Variants in ZPLD1 observed in about 807,000 individuals in gnomAD.
The protein encoded by ZPLD1 is zona pellucida-like domain-containing protein 1.
In ZPLD1, 34 loss-of-function variants were observed where a neutral mutation model predicts 47.2. The observed-to-expected ratio is 0.72, with a 90% CI of 0.55 to 0.96. ZPLD1 has a LOEUF of 0.96. Ranked by LOEUF, ZPLD1 falls within the 40% of genes least tolerant of loss-of-function variation. The pLI is 0.00. For synonymous variants in ZPLD1, 176 were observed against 186.2 expected, an observed-to-expected ratio of 0.95 and a Z score of 0.45; for missense variants, 512 against 505.8, an observed-to-expected ratio of 1.01 and a Z score of -0.12.
At position 102,400,577 on chromosome 3, in the gene ZPLD1, C is replaced by T. The variant is rs775701552; in HGVS notation, c.-157+8352C>T. On this transcript the variant is annotated intron_variant, in intron 7 of 17. Coordinates refer to the ZPLD1 transcript ENST00000491959. ...TGTCTCTTTCAGAAGTTTCCCCTGA[C>T]TATATCTCTCCCTTTTCTTTACTCT... Among the ~76,000 whole-genome samples the T allele has an allele frequency of 3.8e-4, 58 of 152,024 alleles. 1 individual carries two copies. Among genetic ancestry groups the T allele is most frequent in the Non-Finnish European group, 1.0e-4 (7 of 67,974 alleles).
upstream of ZPLD1, among the ~76,000 whole-genome samples, chr3:102,432,983 C>T (rs1707034420): frequency 6.6e-6 from 1 of 152,186 alleles, no homozygotes; most frequent in Non-Finnish European, 1.5e-5. Context: ...TTATTCATCT[C>T]CATAGCACTT....
chr3:102,459,089 C>CAAAAAAAAAA (rs767071660), intron 6 of ZPLD1, among the ~76,000 whole-genome samples: 5 of 25,852 alleles, frequency 1.9e-4, no homozygotes, highest in African/African-American at 4.5e-4. Flanking sequence ...GACTCCGTCT[C>CAAAAAAAAAA]AAAAAAAAAA....
upstream of ZPLD1, among the ~76,000 whole-genome samples, chr3:102,433,679 A>G: frequency 6.6e-6 from 1 of 152,222 alleles, no homozygotes; most frequent in Admixed American, 6.5e-5. Context: ...GGCACCCGCC[A>G]CCACGCCCGG....
intron 6 of ZPLD1, among the ~76,000 whole-genome samples, chr3:102,459,044 A>G (rs367567341): frequency 2.1e-5 from 3 of 140,292 alleles, no homozygotes; most frequent in Admixed American, 7.4e-5. Flanking sequence ...GAGCCGAGAT[A>G]GCACCACTGC....
rs1344954098 is a variant in ZPLD1 at position 102,477,695 on chromosome 3, A to T, written c.*77A>T. On this transcript the variant is annotated 3_prime_UTR_variant, in exon 12 of 12. Transcript: ENST00000466937. ...TGACTGCAGTCAGTGTTCCGTCTGA[A>T]TTTCATGTCAGTCCACATTCAATAT... 3 of 1,310,164 alleles carry T rather than the reference A, an allele frequency of 2.3e-6. No individual in the cohort carries two copies. The African/African-American group carries it at 4.5e-5, about 20-fold the overall frequency. The allele number at this position is 1,310,164 out of a possible 1,614,324, so 81.2% of individuals were successfully genotyped here. A position where few individuals can be genotyped will look rare whatever the true frequency, so the allele number is the denominator to read the frequency against.
In ZPLD1 at chr3:102,447,135, G is replaced by A. The variant is rs1227404415; in HGVS notation, c.107-5784G>A. Among the ~76,000 whole-genome samples the A allele has an allele frequency of 1.1e-4, 16 of 152,066 alleles. 1 individual carries two copies. The South Asian group carries it at 2.9e-3, about 28-fold the overall frequency. On this transcript the variant is annotated intron_variant, in intron 3 of 11. Transcript: ENST00000466937. ...GGCTGGAGTGCAGTGGCACACTCTC[G>A]GCTCACTGCAACCTCTGCCTCCTGG...
intron 1 of ZPLD1, among the ~76,000 whole-genome samples, chr3:102,436,288 A>AT (rs1231568342): frequency 2.6e-5 from 4 of 152,246 alleles, no homozygotes; most frequent in African/African-American, 9.6e-5. Flanking sequence ...GTCAATAATA[A>AT]TTTTTTTGCT....
chr3:102,398,923 T>A (rs1706588549), intron 7 of ZPLD1, among the ~76,000 whole-genome samples: 1 of 152,106 alleles, frequency 6.6e-6, no homozygotes, highest in Non-Finnish European at 1.5e-5. Context: ...CACACTTTTA[T>A]TTATAACTTT....
chr3:102,456,503 CAT>C, intron 5 of ZPLD1, 129 bp downstream of exon 5: 1 of 764,228 alleles, frequency 1.3e-6, no homozygotes, highest in Non-Finnish European at 2.2e-6. Context: ...TAATGGGAAA[CAT>C]ATTATGTCTA....
At chr3:102,463,708 G>A (rs1707544289) in intron 7 of ZPLD1, among the ~76,000 whole-genome samples, 1 of 151,990 alleles carries the variant, frequency 6.6e-6, no homozygotes, top group South Asian at 2.1e-4. Flanking sequence ...ATAAACTTCC[G>A]CAAATAACAA....
intron 6 of ZPLD1, among the ~76,000 whole-genome samples, chr3:102,387,444 C>T (rs1706435855): frequency 6.6e-6 from 1 of 152,086 alleles, no homozygotes; most frequent in African/African-American, 2.4e-5. Context: ...ATTCTGTCAT[C>T]ATTTAAAAAA....
At chr3:102,455,089 T>C (rs187406995) in intron 4 of ZPLD1, among the ~76,000 whole-genome samples, 6 of 152,368 alleles carry the variant, frequency 3.9e-5, no homozygotes, top group Non-Finnish European at 5.9e-5. Context: ...GATGTTTTCA[T>C]TCATAAAGAT....
At chr3:102,424,863 A>T (rs1706923012) in intron 8 of ZPLD1, among the ~76,000 whole-genome samples, 1 of 152,198 alleles carries the variant, frequency 6.6e-6, no homozygotes, top group African/African-American at 2.4e-5. Flanking sequence ...TGACTCATTA[A>T]CCAATATTCT....
At chr3:102,394,069 T>C (rs575030660) in intron 7 of ZPLD1, among the ~76,000 whole-genome samples, 1 of 152,268 alleles carries the variant, frequency 6.6e-6, no homozygotes, top group African/African-American at 2.4e-5. Context: ...TGAAAAACCT[T>C]TTAGAACCCC....
At chr3:102,444,552 T>G (rs1707228339) in intron 3 of ZPLD1, among the ~76,000 whole-genome samples, 1 of 152,238 alleles carries the variant, frequency 6.6e-6, no homozygotes, top group Non-Finnish European at 1.5e-5. Context: ...ATGTAGCATC[T>G]GTTCTCTAGG....
chr3:102,431,647 G>C (rs1203385696), upstream of ZPLD1, among the ~76,000 whole-genome samples: 1 of 152,192 alleles, frequency 6.6e-6, no homozygotes, highest in East Asian at 1.9e-4. Flanking sequence ...GATGGCTCAT[G>C]CCTGTAATCC....
intron 8 of ZPLD1, among the ~76,000 whole-genome samples, chr3:102,420,873 C>T (rs1706869220): frequency 6.6e-6 from 1 of 151,862 alleles, no homozygotes; most frequent in Non-Finnish European, 1.5e-5. Context: ...TTTAAAGTGG[C>T]TAAGCCACAA....
chr3:102,400,587 C>T (rs1158786209), intron 7 of ZPLD1, among the ~76,000 whole-genome samples: 1 of 152,032 alleles, frequency 6.6e-6, no homozygotes, highest in Non-Finnish European at 1.5e-5. Context: ...CTATATCTCT[C>T]CCTTTTCTTT....
chr3:102,416,452 A>G (rs1028865052), intron 7 of ZPLD1, among the ~76,000 whole-genome samples: 5 of 151,930 alleles, frequency 3.3e-5, no homozygotes, highest in Non-Finnish European at 7.4e-5. Context: ...ATAGTAGAAG[A>G]CATGATGGAT....
Sources: gnomAD v4.1 joint callset for allele counts (sites outside exome capture counted in the v4.1 genomes callset) on GRCh38, gnomAD v4.1.1 for gene constraint, MANE v1.5 for transcripts, NCBI Gene and HGNC (gene_info 2026-07-23, HGNC 2026-07-21) for gene names.